The following CGGBP1 variants were observed in gnomAD, a reference collection of about 807,000 sequenced individuals.
CGGBP1 encodes CGG triplet repeat-binding protein 1.
CGGBP1 carries 4 observed loss-of-function variants against 11.4 expected under a neutral mutation model. The observed-to-expected ratio is 0.35, with a 90% confidence interval of 0.17 to 0.80. CGGBP1 has a LOEUF of 0.80. Ranked by LOEUF, CGGBP1 falls within the 30% of genes least tolerant of loss-of-function variation. The pLI is 0.52. For missense variants in CGGBP1, 135 were observed against 202.1 expected (o/e 0.67, Z 2.01); for synonymous variants, 76 against 74.1 (o/e 1.03, Z -0.13).
At chr3:88,143,803 C>G (rs1327507462) in intron 1 of CGGBP1, 1 of 151,888 alleles carries the variant, frequency 6.6e-6, no homozygotes, top group Non-Finnish European at 1.5e-5. Context: ...TTATAAAATT[C>G]TATTTGACCA....
At chr3:88,095,714 A>G in intron 2 of CGGBP1, 1 of 395,518 alleles carries the variant, frequency 2.5e-6, no homozygotes, top group Non-Finnish European at 4.8e-6. Flanking sequence ...TTTCTTTGCT[A>G]CTTTTTGACT....
At chr3:88,128,973 C>T in intron 2 of CGGBP1, 1 of 1,534,620 alleles carries the variant, frequency 6.5e-7, no homozygotes, top group Non-Finnish European at 8.7e-7. Flanking sequence ...CTTCACATGT[C>T]TGTTTATGTC....
At chr3:88,146,903 T>C (rs1027338657) in intron 1 of CGGBP1, among the ~76,000 whole-genome samples, 1 of 152,174 alleles carries the variant, frequency 6.6e-6, no homozygotes, top group African/African-American at 2.4e-5. Context: ...CCTGACTCTA[T>C]CATGCCCTTC....
intron 2 of CGGBP1, among the ~76,000 whole-genome samples, chr3:88,094,458 A>G (rs945948768): frequency 6.6e-5 from 10 of 152,270 alleles, no homozygotes; most frequent in African/African-American, 2.2e-4. Flanking sequence ...ATCAGGGGAA[A>G]AGAAATACCC....
chr3:88,111,460 A>G (rs1452197099), intron 2 of CGGBP1, among the ~76,000 whole-genome samples: 3 of 151,794 alleles, frequency 2.0e-5, no homozygotes, highest in Admixed American at 2.0e-4. Context: ...ATGAATATAT[A>G]TCTCTGGGTC....
chr3:88,138,565 C>A, intron 2 of CGGBP1: 1 of 446,466 alleles, frequency 2.2e-6, no homozygotes, highest in Non-Finnish European at 3.7e-6. Flanking sequence ...TTAAACAAGG[C>A]TACTAAATAT....
Position 88,052,708 on chromosome 3 carries a change from A to T in CGGBP1, c.*2765T>A, listed in dbSNP as rs1309341705. 1 of 152,322 alleles carries T rather than the reference A, an allele frequency of 6.6e-6. No individual in the cohort carries two copies. 9.4% of individuals were successfully genotyped at this position (152,322 alleles called of 1,614,324 possible). On this transcript the variant is annotated 3_prime_UTR_variant, in exon 4 of 4. Coordinates refer to ENST00000482016, the MANE Select transcript of CGGBP1 (RefSeq NM_001008390.2). ...AATAGGGCCAAATGCATTAACTGGAAATAGCATTTTTTTAAAGTCTTAATC... is the reference window on the plus strand; with the variant it reads ...AATAGGGCCAAATGCATTAACTGGATATAGCATTTTTTTAAAGTCTTAATC...
At chr3:88,059,467 G>C, upstream of CGGBP1, 2 of 1,519,806 alleles carry the variant, frequency 1.3e-6, no homozygotes, top group South Asian at 1.2e-5. Flanking sequence ...CGGCGGCGTC[G>C]GAATCAGCAG....
intron 2 of CGGBP1, chr3:88,140,927 A>G (rs763699318): frequency 1.9e-6 from 3 of 1,613,630 alleles, no homozygotes; most frequent in South Asian, 2.2e-5. Flanking sequence ...TGTATAAAAA[A>G]TCAGTGAAAA....
chr3:88,094,445 G>A (rs764723277), intron 2 of CGGBP1, among the ~76,000 whole-genome samples: 14 of 152,110 alleles, frequency 9.2e-5, no homozygotes, highest in Non-Finnish European at 1.9e-4. Context: ...GGGATGGAAA[G>A]TGATCAGGGG....
rs376756243 is a variant in CGGBP1 at position 88,073,821 on chromosome 3, ATATT to A, written c.-228-15602_-228-15599del. On this transcript the variant is annotated intron_variant, in intron 2 of 3. Coordinates refer to the CGGBP1 transcript ENST00000462901. Reference sequence around the variant, plus strand: ...ATGTACATTTTTATTAATCTTGAGTATATTTATCCCTATTTAATAAGAGAGCAGT... The same window carrying A: ...ATGTACATTTTTATTAATCTTGAGTATATCCCTATTTAATAAGAGAGCAGT... 3.0e-3 allele frequency among the ~76,000 whole-genome samples: 458 copies of A among 152,310 alleles called. 2 individuals carry two copies. The highest frequency in any genetic ancestry group is 9.3e-3 in the African/African-American group (387 of 41,570).
At chr3:88,132,408 G>C (rs1165811652) in intron 2 of CGGBP1, among the ~76,000 whole-genome samples, 2 of 152,098 alleles carry the variant, frequency 1.3e-5, no homozygotes, top group Non-Finnish European at 2.9e-5. Context: ...TGCACACATT[G>C]AATAAAGGAA....
At chr3:88,124,793 C>T (rs1247668536) in intron 2 of CGGBP1, among the ~76,000 whole-genome samples, 1 of 150,860 alleles carries the variant, frequency 6.6e-6, no homozygotes, top group Non-Finnish European at 1.5e-5. Context: ...TTCAACATTG[C>T]CAGTTTCTAC....
chr3:88,060,355 A>G (rs1295900579), upstream of CGGBP1, among the ~76,000 whole-genome samples: 10 of 152,214 alleles, frequency 6.6e-5, no homozygotes, highest in Admixed American at 5.9e-4. Context: ...GTAATCAAAT[A>G]TAACAAATAT....
chr3:88,080,663 CTT>C (rs375205418), intron 2 of CGGBP1, among the ~76,000 whole-genome samples: 212 of 152,204 alleles, frequency 1.4e-3, no homozygotes, highest in African/African-American at 4.9e-3. Flanking sequence ...CCATCTGACT[CTT>C]AACCATAATA....
At chr3:88,088,532 A>AT (rs775421466) in intron 2 of CGGBP1, among the ~76,000 whole-genome samples, 14 of 152,172 alleles carry the variant, frequency 9.2e-5, no homozygotes, top group South Asian at 4.1e-4. Flanking sequence ...GATGGTTAAA[A>AT]TTTAAAGTTC....
chr3:88,143,225 A>T (rs1217135899), intron 1 of CGGBP1: 1 of 151,502 alleles, frequency 6.6e-6, no homozygotes, highest in Non-Finnish European at 1.5e-5. Context: ...AGATCAGATG[A>T]TTTTTTTTTA....
In CGGBP1 at chr3:88,055,691, C is replaced by A. The variant is rs1706525921; in HGVS notation, c.286G>T (p.Ala96Ser). 1 of 1,614,196 alleles carries A rather than the reference C, an allele frequency of 6.2e-7. No homozygotes were observed. The highest frequency in any genetic ancestry group is 8.5e-7 in the Non-Finnish European group (1 of 1,180,044). The change falls in exon 4 of 4, where the codon GCG (alanine) becomes TCG (serine). Residue 96 changes from alanine (A) to serine (S), a missense_variant. Ala to Ser is a moderately conservative substitution (Grantham distance 99). Transcript: ENST00000482016. This position sits in a 1 kb window ranked among gnomAD's most constrained non-coding sequence, Gnocchi z 4.2. ...LTASLQCNST[A>S]QTEKVSVIQD... ...ATAACACTGACTTTCTCTGTTTGCG[C>A]AGTACTGTTGCACTGAAGAGATGCA...
At position 88,055,662 on chromosome 3, in the gene CGGBP1, C is replaced by T. The variant is rs760585998; in HGVS notation, c.315G>A (p.Gln105=). The part of the protein sequence containing the change: ...TAQTEKVSVI[Q]DFVKMCLEAN... The stretch of plus-strand genomic sequence containing the variant: ...CTTCCAGGCACATTTTCACAAAGTC[C>T]TGGATAACACTGACTTTCTCTGTTT... The change falls in exon 4 of 4, where the codon CAG becomes CAA. Residue 105 remains glutamine (Q), a synonymous_variant. Transcript: ENST00000482016. This position sits in a 1 kb window ranked among gnomAD's most constrained non-coding sequence, Gnocchi z 4.2. 9.3e-6 allele frequency: 15 copies of T among 1,614,186 alleles called. No homozygotes were observed. In the East Asian group the frequency reaches 3.3e-4, roughly 36 times the overall value.
Sources: allele counts gnomAD v4.1 joint callset (sites outside exome capture counted in the v4.1 genomes callset), GRCh38; gene constraint gnomAD v4.1.1; non-coding constraint Gnocchi (gnomAD v3.1); transcripts MANE v1.5; gene names NCBI Gene and HGNC (gene_info 2026-07-23, HGNC 2026-07-21).